The following FREM2 variants were observed in gnomAD, a reference collection of about 807,000 sequenced individuals.
The protein encoded by FREM2 is FRAS1 related extracellular matrix 2.
In FREM2, 119 loss-of-function variants were observed where a neutral mutation model predicts 219.9. The ratio of observed to expected loss-of-function variants is 0.54; its 90% confidence interval spans 0.47 to 0.63. The LOEUF (loss-of-function observed/expected upper bound fraction) is 0.63, where lower values mean the gene tolerates loss of function less well. FREM2 is among the 30% of genes least tolerant of loss of function. The pLI, the probability that FREM2 is intolerant of heterozygous loss-of-function variation, is 0.00. For missense variants in FREM2, 4,030 were observed against 3,993.6 expected (o/e 1.01, Z -0.25); for synonymous variants, 1,562 against 1,522.8 (o/e 1.03, Z -0.60).
chr13:38,790,053 C>T (rs1305762119), intron 6 of FREM2, among the ~76,000 whole-genome samples: 1 of 151,946 alleles, frequency 6.6e-6, no homozygotes, highest in Non-Finnish European at 1.5e-5. Flanking sequence ...TTGCTAGGGT[C>T]GATTTCTATG....
At chr13:38,753,937 G>A (rs7333772) in intron 2 of FREM2, among the ~76,000 whole-genome samples, 1 of 148,554 alleles carries the variant, frequency 6.7e-6, no homozygotes, top group East Asian at 2.0e-4. Context: ...TGTTGCAGGG[G>A]ATCAAAATTA....
At chr13:38,785,997 T>A (rs1222093371) in intron 6 of FREM2, among the ~76,000 whole-genome samples, 1 of 152,228 alleles carries the variant, frequency 6.6e-6, no homozygotes, top group African/African-American at 2.4e-5. Flanking sequence ...ATATAAAATA[T>A]AGTGGTCAGA....
At chr13:38,770,329 A>T (rs1873613078) in intron 4 of FREM2, among the ~76,000 whole-genome samples, 1 of 151,712 alleles carries the variant, frequency 6.6e-6, no homozygotes, top group East Asian at 1.9e-4. Flanking sequence ...AAGCACTGGG[A>T]TTACAGGTAT....
At chr13:38,727,220 A>G (rs1245564436) in intron 2 of FREM2, among the ~76,000 whole-genome samples, 1 of 152,242 alleles carries the variant, frequency 6.6e-6, no homozygotes, top group Non-Finnish European at 1.5e-5. Flanking sequence ...TCATAAAAGT[A>G]ATTCTAAAAG....
At chr13:38,806,594 C>T (rs1593419072) in intron 6 of FREM2, among the ~76,000 whole-genome samples, 1 of 151,750 alleles carries the variant, frequency 6.6e-6, no homozygotes. Context: ...ACTTAAAATA[C>T]TTTATTGCCA....
In FREM2 at chr13:38,872,860, G is replaced by A. The variant is rs768911120; in HGVS notation, c.8102G>A (p.Arg2701His). The A allele has an allele frequency of 1.9e-5, 30 of 1,613,900 alleles. No individual in the cohort carries two copies. Among genetic ancestry groups the A allele is most frequent in the East Asian group, 1.1e-4 (5 of 44,888 alleles). The change falls in exon 17 of 24, where the codon CGT becomes CAT. Residue 2701 changes from arginine (R) to histidine (H), a missense_variant. Arg to His is a conservative substitution (Grantham distance 29). This residue lies in a region of FREM2 where 928 missense variants were observed against 1,042.9 expected (regional missense o/e 0.89). Coordinates refer to ENST00000280481, the MANE Select transcript of FREM2 (RefSeq NM_207361.6). ...WQHFDLKSEL[R>H]LTFVYDTAIL... ...CATTTTGACTTGAAGTCAGAGCTTC[G>A]TCTAACTTTTGTGTACGACACCGCC...
chr13:38,702,887 C>T (rs969350880), intron 2 of FREM2, among the ~76,000 whole-genome samples: 3 of 152,106 alleles, frequency 2.0e-5, no homozygotes, highest in South Asian at 4.1e-4. Flanking sequence ...CACAGCCAGA[C>T]ATTTTTTTGC....
At chr13:38,825,470 T>G (rs1317791258) in intron 6 of FREM2, among the ~76,000 whole-genome samples, 1 of 152,102 alleles carries the variant, frequency 6.6e-6, no homozygotes, top group Non-Finnish European at 1.5e-5. Context: ...TCACAGAATA[T>G]CAAACATCTA....
intron 3 of FREM2, among the ~76,000 whole-genome samples, chr13:38,767,530 A>G (rs952999952): frequency 2.6e-5 from 4 of 152,226 alleles, no homozygotes; most frequent in African/African-American, 9.6e-5. Flanking sequence ...ATTGCTGATG[A>G]AAGAAAACAA....
At chr13:38,813,502 CTCTCTCTCTCTCTCTCCTCT>C (rs1875592455) in intron 6 of FREM2, among the ~76,000 whole-genome samples, 1 of 15,722 alleles carries the variant, frequency 6.4e-5, no homozygotes, top group Non-Finnish European at 1.2e-4. Context: ...CTCTCTCTCT[CTCTCTCTCTCTCTCTCCTCT>C]CTCTCTCTCT....
In FREM2 at chr13:38,687,584, G is replaced by T; in HGVS notation, c.240G>T (p.Arg80=). Residue 80 remains arginine, a synonymous_variant, in exon 1 of 24, where the codon CGG becomes CGT. Transcript: ENST00000280481. ...EAIVLANRGL[R]VPFGREVWLD... The stretch of plus-strand genomic sequence containing the variant: ...TAGTGCTGGCGAACCGCGGACTCCG[G>T]GTGCCTTTCGGCCGTGAAGTCTGGC... The T allele has an allele frequency of 1.2e-6, 2 of 1,606,834 alleles. No individual in the cohort carries two copies. Among genetic ancestry groups the T allele is most frequent in the South Asian group, 2.2e-5 (2 of 90,032 alleles).
Position 38,876,017 on chromosome 13 carries a change from C to G in FREM2, c.8282-5C>G. 1 of 1,612,882 alleles carries G rather than the reference C, an allele frequency of 6.2e-7. No individual in the cohort carries two copies. The highest frequency in any genetic ancestry group is 8.5e-7 in the Non-Finnish European group (1 of 1,178,894). ...TCATTATTATAATTACTGGCACTTT[C>G]CTAGCATCCTTTACAAGCTCAGTGA... On this transcript the variant is annotated splice_region_variant and splice_polypyrimidine_tract_variant and intron_variant, in intron 18 of 23. Transcript: ENST00000280481.
intron 2 of FREM2, among the ~76,000 whole-genome samples, chr13:38,746,369 G>A (rs1045866416): frequency 6.6e-6 from 1 of 152,146 alleles, no homozygotes; most frequent in Non-Finnish European, 1.5e-5. Context: ...TGAGTGTAAA[G>A]TGCAGTAAGG....
chr13:38,687,153 C>T lies in FREM2; in HGVS notation c.-192C>T, dbSNP rs1869485991. ...TGGACGGCCTGGGAAGGCTTCGGCT[C>T]CTCGGCTGCGGCTCCAGCCCGGACG... On this transcript the variant is annotated 5_prime_UTR_variant, in exon 1 of 24. Coordinates refer to ENST00000280481, the MANE Select transcript of FREM2 (RefSeq NM_207361.6). 8 of 725,982 alleles carry T rather than the reference C, an allele frequency of 1.1e-5. No homozygotes were observed. The highest frequency in any genetic ancestry group is 2.7e-5 in the Admixed American group (1 of 36,406). 45.0% of individuals were successfully genotyped at this position (725,982 alleles called of 1,614,324 possible). A position where few individuals can be genotyped will look rare whatever the true frequency, so the allele number is the denominator to read the frequency against.
rs1448740276 is a variant in FREM2, at chr13:38,687,675, G to A, written c.331G>A (p.Asp111Asn). 1 of 1,594,330 alleles carries A rather than the reference G, an allele frequency of 6.3e-7. No homozygotes were observed. Among genetic ancestry groups the A allele is most frequent in the Admixed American group, 1.7e-5 (1 of 58,466 alleles). ...GGACCGCTGCGCGGTTTCGGTACTA[G>A]ACAACGACGCACTGGCCCAGCGACC... Reference protein sequence around the residue: ...PGDRCAVSVLDNDALAQRPGR... With the variant: ...PGDRCAVSVLNNDALAQRPGR... The change falls in exon 1 of 24, where the codon GAC (aspartate) becomes AAC (asparagine). Residue 111 changes from aspartate to asparagine, a missense_variant. Asp to Asn is a conservative substitution (Grantham distance 23, BLOSUM62 1). Coordinates refer to ENST00000280481, the MANE Select transcript of FREM2 (RefSeq NM_207361.6).
At chr13:38,706,072 A>G (rs946479863) in intron 2 of FREM2, among the ~76,000 whole-genome samples, 51 of 152,210 alleles carry the variant, frequency 3.4e-4, no homozygotes, top group African/African-American at 1.1e-3. Flanking sequence ...CACTATGGCC[A>G]AATAACAGAA....
At chr13:38,773,420 T>G (rs1873748874) in intron 4 of FREM2, among the ~76,000 whole-genome samples, 1 of 151,872 alleles carries the variant, frequency 6.6e-6, no homozygotes, top group Non-Finnish European at 1.5e-5. Flanking sequence ...AGACGGTATC[T>G]CACTCTGTCG....
At chr13:38,856,332 G>A in intron 12 of FREM2, 76 bp downstream of exon 12, 1 of 1,359,676 alleles carries the variant, frequency 7.4e-7, no homozygotes, top group Non-Finnish European at 1.0e-6. Flanking sequence ...ATCACATAGT[G>A]TACAACAAAA....
At chr13:38,759,040 A>G (rs1475611697) in intron 2 of FREM2, among the ~76,000 whole-genome samples, 5 of 152,216 alleles carry the variant, frequency 3.3e-5, no homozygotes, top group Non-Finnish European at 5.9e-5. Flanking sequence ...CTCTAAAACA[A>G]TAACGAAAAT....
Sources: gnomAD v4.1 joint callset for allele counts (sites outside exome capture counted in the v4.1 genomes callset) on GRCh38, gnomAD v4.1.1 for gene constraint, gnomAD v4.1.1 regional missense constraint, MANE v1.5 for transcripts, NCBI Gene and HGNC (gene_info 2026-07-23, HGNC 2026-07-21) for gene names.